Variants in MEP1A observed in about 807,000 individuals in gnomAD.
MEP1A encodes the protein N-benzoyl-L-tyrosyl-P-amino-benzoic acid hydrolase subunit alpha.
MEP1A carries 68 observed loss-of-function variants against 84.5 expected under a neutral mutation model. The observed-to-expected ratio is 0.80, with a 90% CI of 0.66 to 0.98. MEP1A has a LOEUF of 0.98. Ranked by LOEUF, MEP1A falls within the 50% of genes least tolerant of loss-of-function variation. The pLI is 0.00. For missense variants in MEP1A, 887 were observed against 919.9 expected (o/e 0.96, Z 0.46); for synonymous variants, 337 against 336.8 (o/e 1.00, Z -0.01).
At chr6:46,809,603 C>T (rs908210568) in intron 6 of MEP1A, 66 bp downstream of exon 6, 88 of 1,033,678 alleles carry the variant, frequency 8.5e-5, no homozygotes, top group Middle Eastern at 4.2e-4. Flanking sequence ...ATTCTTTCCC[C>T]GAGTCCCCAA....
chr6:46,823,281 T>A (rs898655297), intron 7 of MEP1A, among the ~76,000 whole-genome samples: 1 of 152,196 alleles, frequency 6.6e-6, no homozygotes, highest in African/African-American at 2.4e-5. Flanking sequence ...TAGCTCTGTA[T>A]GAGGCAGTTA....
intron 5 of MEP1A, 43 bp downstream of exon 5, chr6:46,799,224 T>C: frequency 7.8e-7 from 1 of 1,289,540 alleles, no homozygotes; most frequent in Non-Finnish European, 1.1e-6. Context: ...AGTTTAACTC[T>C]CTCTCTCCTC....
intron 3 of MEP1A, among the ~76,000 whole-genome samples, chr6:46,796,678 G>A (rs926646997): frequency 6.6e-6 from 1 of 152,186 alleles, no homozygotes; most frequent in African/African-American, 2.4e-5. Context: ...TGAATAGATT[G>A]AGGCTTGCTC....
chr6:46,825,526 C>A, intron 8 of MEP1A, 33 bp downstream of exon 8: 1 of 1,434,388 alleles, frequency 7.0e-7, no homozygotes, highest in Non-Finnish European at 9.7e-7. Context: ...ACTTGGTAAA[C>A]TAGCCTCAGC....
intron 3 of MEP1A, among the ~76,000 whole-genome samples, chr6:46,797,210 T>C (rs1028090042): frequency 6.6e-6 from 1 of 152,202 alleles, no homozygotes; most frequent in Non-Finnish European, 1.5e-5. Flanking sequence ...GAGACTGTGG[T>C]AATTAATCTC....
chr6:46,825,541 A>C (rs1767921923), intron 8 of MEP1A, 48 bp downstream of exon 8: 1 of 1,266,868 alleles, frequency 7.9e-7, no homozygotes, highest in East Asian at 2.4e-5. Flanking sequence ...CTCAGCAGAG[A>C]TTCCATCAGC....
At chr6:46,810,549 T>C (rs999262889) in intron 6 of MEP1A, among the ~76,000 whole-genome samples, 1 of 152,188 alleles carries the variant, frequency 6.6e-6, no homozygotes, top group Non-Finnish European at 1.5e-5. Flanking sequence ...CCTACGCCAA[T>C]GTCTAGAAGG....
chr6:46,817,347 T>C (rs1767665042), intron 6 of MEP1A, among the ~76,000 whole-genome samples: 1 of 152,202 alleles, frequency 6.6e-6, no homozygotes, highest in Non-Finnish European at 1.5e-5. Context: ...GCATGTGTTT[T>C]ATTGCTTGAG....
At chr6:46,804,181 G>A (rs1357345491) in intron 5 of MEP1A, among the ~76,000 whole-genome samples, 1 of 151,372 alleles carries the variant, frequency 6.6e-6, no homozygotes, top group Non-Finnish European at 1.5e-5. Context: ...ACTTCCTTTA[G>A]CACTTCTTAT....
At chr6:46,816,474 T>A (rs1767637878) in intron 6 of MEP1A, among the ~76,000 whole-genome samples, 1 of 150,700 alleles carries the variant, frequency 6.6e-6, no homozygotes, top group Middle Eastern at 3.4e-3. Flanking sequence ...AAGTGTGGGA[T>A]GAAGCATCAG....
intron 5 of MEP1A, among the ~76,000 whole-genome samples, chr6:46,806,971 AT>A: frequency 6.6e-6 from 1 of 152,108 alleles, no homozygotes; most frequent in East Asian, 1.9e-4. Flanking sequence ...ATTTTCCAGC[AT>A]ATTTAAAGAG....
At position 46,833,200 on chromosome 6, in the gene MEP1A, T is replaced by C; in HGVS notation, c.1271T>C (p.Ile424Thr). 6.2e-7 allele frequency: 1 copy of C among 1,612,184 alleles called. No homozygotes were observed. The highest frequency in any genetic ancestry group is 8.5e-7 in the Non-Finnish European group (1 of 1,179,150). ...NSTGGIYLDD[I>T]TLTETPCPTG... ...ACTGGGGGAATTTACCTAGATGACATCACTCTGACAGAAACCCCCTGCCCC... is the reference window on the plus strand; with the variant it reads ...ACTGGGGGAATTTACCTAGATGACACCACTCTGACAGAAACCCCCTGCCCC... Residue 424 changes from isoleucine to threonine, a missense_variant, in exon 11 of 14, where the codon ATC becomes ACC. By Grantham distance (89) the Ile-to-Thr change is moderately conservative. Transcript: ENST00000230588.
intron 5 of MEP1A, among the ~76,000 whole-genome samples, chr6:46,801,234 C>T (rs1197842641): frequency 6.6e-6 from 1 of 152,106 alleles, no homozygotes; most frequent in Non-Finnish European, 1.5e-5. Context: ...GTACACTCCT[C>T]CTGAAAATAT....
At chr6:46,806,014 A>G (rs1484775754) in intron 5 of MEP1A, among the ~76,000 whole-genome samples, 1 of 151,880 alleles carries the variant, frequency 6.6e-6, no homozygotes, top group African/African-American at 2.4e-5. Context: ...TATCCAGTGA[A>G]TTTTTTATTT....
intron 6 of MEP1A, among the ~76,000 whole-genome samples, chr6:46,813,143 T>A (rs913242616): frequency 4.0e-5 from 6 of 151,884 alleles, no homozygotes. Context: ...AAATTGAGGG[T>A]CTCCAGAATT....
intron 3 of MEP1A, among the ~76,000 whole-genome samples, chr6:46,793,969 T>A (rs180790115): frequency 4.3e-4 from 65 of 152,174 alleles, no homozygotes; most frequent in Middle Eastern, 3.4e-3. Context: ...TTTATAAAAA[T>A]TTTATTTTTC....
chr6:46,843,461 T>C (rs1768367343), downstream of MEP1A, among the ~76,000 whole-genome samples: 1 of 152,220 alleles, frequency 6.6e-6, no homozygotes, highest in Non-Finnish European at 1.5e-5. Context: ...ATTTAACCAA[T>C]GCAAAAATTA....
chr6:46,793,598 CAG>C (rs763916724), intron 2 of MEP1A, 22 bp downstream of exon 2: 17 of 1,563,076 alleles, frequency 1.1e-5, no homozygotes, highest in South Asian at 3.5e-5. Flanking sequence ...TTCAAATGCA[CAG>C]AGAGTGTTTT....
intron 7 of MEP1A, among the ~76,000 whole-genome samples, chr6:46,824,467 T>C (rs1387297340): frequency 2.7e-5 from 4 of 145,504 alleles, no homozygotes; most frequent in African/African-American, 1.0e-4. Flanking sequence ...ATTATATTGC[T>C]TATAAAATAT....
Sources: gnomAD v4.1 joint callset for allele counts (sites outside exome capture counted in the v4.1 genomes callset) on GRCh38, gnomAD v4.1.1 for gene constraint, MANE v1.5 for transcripts, NCBI Gene and HGNC (gene_info 2026-07-23, HGNC 2026-07-21) for gene names.